Variants in MYOM1 observed in about 807,000 individuals in gnomAD.
MYOM1 encodes the protein myomesin 1.
A neutral mutation model predicts 205.3 loss-of-function variants in MYOM1; 164 were observed. That is an observed-to-expected ratio of 0.80 (90% CI 0.70 to 0.91). MYOM1 has a LOEUF of 0.91. MYOM1 is among the 40% of genes least tolerant of loss of function. MYOM1 has a pLI of 0.00. For missense variants in MYOM1, 2,011 were observed against 2,127.3 expected, an observed-to-expected ratio of 0.95 and a Z score of 1.08; for synonymous variants, 772 against 789.4, an observed-to-expected ratio of 0.98 and a Z score of 0.37.
intron 29 of MYOM1, among the ~76,000 whole-genome samples, chr18:3,086,481 A>G (rs1487272986): frequency 6.6e-6 from 1 of 152,228 alleles, no homozygotes; most frequent in East Asian, 1.9e-4. Context: ...ACAAAACCAA[A>G]GGGAGAAAAA....
chr18:3,188,666 T>TAC lies in MYOM1; in HGVS notation c.771+80_771+81dup, dbSNP rs144550875. The TAC allele has an allele frequency of 0.037, 40,591 of 1,107,950 alleles. 199 individuals carry two copies. The highest frequency in any genetic ancestry group is 0.063 in the African/African-American group (3,869 of 61,504). 68.6% of individuals were successfully genotyped at this position (1,107,950 alleles called of 1,614,324 possible). A position where few individuals can be genotyped will look rare whatever the true frequency, so the allele number is the denominator to read the frequency against. On this transcript the variant is annotated intron_variant, in intron 4 of 37. Coordinates refer to ENST00000356443, the MANE Select transcript of MYOM1 (RefSeq NM_003803.4). ...AAAAAGAAACAAATCAATCTATATC[T>TAC]ACACACACACACACACACACACACA...
chr18:3,107,023 A>T (rs1383674809), intron 22 of MYOM1, among the ~76,000 whole-genome samples: 1 of 152,262 alleles, frequency 6.6e-6, no homozygotes, highest in East Asian at 1.9e-4. Context: ...TTATGCACAC[A>T]TAATTGTGGG....
chr18:3,104,747 T>TG (rs1260578906), intron 22 of MYOM1, among the ~76,000 whole-genome samples: 8 of 131,484 alleles, frequency 6.1e-5, no homozygotes, highest in Admixed American at 6.0e-4. Context: ...ATTGGAATCT[T>TG]TTTTTTTTTT....
At chr18:3,242,299 G>T in the MYOM1 span, among the ~76,000 whole-genome samples, 1 of 152,162 alleles carries the variant, frequency 6.6e-6, no homozygotes, top group East Asian at 1.9e-4. Context: ...AATCATGGGG[G>T]CAGTTCTTTC....
At position 3,185,861 on chromosome 18, in the gene MYOM1, G is replaced by A. The variant is rs1789437911; in HGVS notation, c.929+1619C>T. Among the ~76,000 whole-genome samples, 3 of 152,118 alleles carry A rather than the reference G, an allele frequency of 2.0e-5. No homozygotes were observed. The South Asian group carries it at 6.2e-4, about 31-fold the overall frequency. ...AGTAAATCCAAAATCATCAAAGACA[G>A]ATTAAGATTACAAGTAAAAACTCAC... is the stretch of plus-strand genomic sequence containing the variant. On this transcript the variant is annotated intron_variant, in intron 5 of 37. Coordinates refer to ENST00000356443, the MANE Select transcript of MYOM1 (RefSeq NM_003803.4).
At chr18:3,097,750 A>T (rs1305514828) in intron 25 of MYOM1, among the ~76,000 whole-genome samples, 1 of 152,176 alleles carries the variant, frequency 6.6e-6, no homozygotes, top group Non-Finnish European at 1.5e-5. Flanking sequence ...TCTCTACCAA[A>T]ATGCGACACT....
At chr18:3,241,836 C>T in the MYOM1 span, among the ~76,000 whole-genome samples, 1 of 152,214 alleles carries the variant, frequency 6.6e-6, no homozygotes, top group African/African-American at 2.4e-5. Flanking sequence ...TGGGAACCCA[C>T]CTCTTACATC....
chr18:3,222,804 G>A (rs2081337498), upstream of MYOM1, among the ~76,000 whole-genome samples: 1 of 152,164 alleles, frequency 6.6e-6, no homozygotes, highest in African/African-American at 2.4e-5. Flanking sequence ...GCTATGCTCT[G>A]TGTGGAACAG....
intron 10 of MYOM1, among the ~76,000 whole-genome samples, chr18:3,162,989 GCA>G: frequency 1.4e-5 from 1 of 72,960 alleles, no homozygotes; most frequent in East Asian, 4.9e-4. Flanking sequence ...TCAAGCCACT[GCA>G]CTGCACTCCA....
chr18:3,094,596 T>C (rs1405631645), intron 25 of MYOM1, among the ~76,000 whole-genome samples: 3 of 152,110 alleles, frequency 2.0e-5, no homozygotes, highest in Non-Finnish European at 4.4e-5. Flanking sequence ...TCTAGGGGCA[T>C]AGGGGCACTT....
intron 2 of MYOM1, among the ~76,000 whole-genome samples, chr18:3,198,368 TTTCTCTGTC>T (rs1368455291): frequency 6.6e-6 from 1 of 152,196 alleles, no homozygotes; most frequent in Non-Finnish European, 1.5e-5. Flanking sequence ...GCATTATTGG[TTTCTCTGTC>T]TTTCCCACTG....
chr18:3,207,007 A>ATTT (rs1555631098), intron 2 of MYOM1, among the ~76,000 whole-genome samples: 22 of 146,958 alleles, frequency 1.5e-4, no homozygotes, highest in South Asian at 1.1e-3. Flanking sequence ...GTTTTTTTTA[A>ATTT]AAAAAACTAT....
chr18:3,221,143 C>A (rs2081325731), upstream of MYOM1, among the ~76,000 whole-genome samples: 1 of 152,136 alleles, frequency 6.6e-6, no homozygotes, highest in African/African-American at 2.4e-5. Context: ...ACCTCAGCCT[C>A]CCGAGTAGCT....
At chr18:3,230,014 C>T in the MYOM1 span, among the ~76,000 whole-genome samples, 1 of 144,820 alleles carries the variant, frequency 6.9e-6, no homozygotes, top group South Asian at 2.2e-4. Flanking sequence ...TGAGATATGT[C>T]TCATAGCTAT....
In MYOM1 at chr18:3,112,313, C is replaced by T; in HGVS notation, c.3403G>A (p.Ala1135Thr). 1 of 1,613,088 alleles carries T rather than the reference C, an allele frequency of 6.2e-7. No homozygotes were observed. Among genetic ancestry groups the T allele is most frequent in the Non-Finnish European group, 8.5e-7 (1 of 1,179,246 alleles). ...GAAAGCCCACCTGGACGGGTCTCTG[C>T]CACAACAGGGCCAGCAAGGTCAGAT... ...KPSDLAGPVV[A>T]ETRPGTKEVV... The change falls in exon 22 of 38, where the codon GCA becomes ACA. Residue 1135 changes from alanine to threonine, a missense_variant. Ala to Thr is a moderately conservative substitution (Grantham distance 58). Transcript: ENST00000356443.
the MYOM1 span, among the ~76,000 whole-genome samples, chr18:3,229,477 A>G: frequency 1.3e-5 from 2 of 152,192 alleles, no homozygotes; most frequent in Non-Finnish European, 2.9e-5. Flanking sequence ...GCACAAATAG[A>G]AGTATTCCTT....
intron 25 of MYOM1, among the ~76,000 whole-genome samples, chr18:3,097,175 C>T (rs900338891): frequency 4.6e-5 from 7 of 152,042 alleles, no homozygotes; most frequent in Non-Finnish European, 7.3e-5. Context: ...CTCAAGAAAA[C>T]GACTTCATCA....
rs8087329 is a variant in MYOM1, at chr18:3,168,639, A to G, written c.1339+178T>C. 0.098 allele frequency among the ~76,000 whole-genome samples: 14,906 copies of G among 152,216 alleles called. 1,604 individuals are homozygous for G. Among genetic ancestry groups the G allele is most frequent in the African/African-American group, 0.27 (11,261 of 41,480 alleles). On this transcript the variant is annotated intron_variant, in intron 9 of 37. Coordinates refer to ENST00000356443, the MANE Select transcript of MYOM1 (RefSeq NM_003803.4). ...CCACATCTTACTTGTTAAAAGGAAAATATCATCTCCACAAATATGAAAGTG... is the reference window on the plus strand; with the variant it reads ...CCACATCTTACTTGTTAAAAGGAAAGTATCATCTCCACAAATATGAAAGTG...
the MYOM1 span, among the ~76,000 whole-genome samples, chr18:3,241,825 G>A: frequency 1.3e-4 from 20 of 152,320 alleles, no homozygotes; most frequent in Admixed American, 5.2e-4. Context: ...TCCCAAGACC[G>A]TGGGAACCCA....
Sources: allele counts gnomAD v4.1 joint callset (sites outside exome capture counted in the v4.1 genomes callset), GRCh38; gene constraint gnomAD v4.1.1; transcripts MANE v1.5; gene names NCBI Gene and HGNC (gene_info 2026-07-23, HGNC 2026-07-21).